The following RNF216 variants were observed in gnomAD, a reference collection of about 807,000 sequenced individuals.
RNF216 encodes the protein E3 ubiquitin-protein ligase RNF216.
A neutral mutation model predicts 110.8 loss-of-function variants in RNF216; 72 were observed. The observed-to-expected ratio is 0.65, with a 90% confidence interval of 0.54 to 0.79. RNF216 has a LOEUF of 0.79. Ranked by LOEUF, RNF216 falls within the 30% of genes least tolerant of loss-of-function variation. The pLI is 0.00. For synonymous variants in RNF216, 495 were observed against 407.5 expected (o/e 1.21, Z -2.59); for missense variants, 1,342 against 1,141.2 (o/e 1.18, Z -2.54).
At chr7:5,657,505 T>C (rs2128581696) in intron 13 of RNF216, among the ~76,000 whole-genome samples, 1 of 152,150 alleles carries the variant, frequency 6.6e-6, no homozygotes, top group Non-Finnish European at 1.5e-5. Context: ...AGGTAGTGGT[T>C]GCGGTGAGCC....
chr7:5,661,946 TGGC>T (rs1270585889), intron 13 of RNF216, among the ~76,000 whole-genome samples: 34 of 152,250 alleles, frequency 2.2e-4, no homozygotes, highest in Admixed American at 1.9e-3. Context: ...TGTGCCCACA[TGGC>T]GTTTGCTAGC....
intron 13 of RNF216, among the ~76,000 whole-genome samples, chr7:5,705,972 C>G (rs1584483201): frequency 6.6e-6 from 1 of 151,056 alleles, no homozygotes; most frequent in East Asian, 2.0e-4. Flanking sequence ...CAAAACACCA[C>G]TCTGGGAGGC....
intron 5 of RNF216, among the ~76,000 whole-genome samples, chr7:5,739,051 G>A (rs1372859189): frequency 6.6e-6 from 1 of 152,184 alleles, no homozygotes; most frequent in Non-Finnish European, 1.5e-5. Context: ...GGGTGCCACT[G>A]GCTTGGGAAG....
chr7:5,639,283 C>T (rs189907907), intron 15 of RNF216, among the ~76,000 whole-genome samples: 1 of 152,306 alleles, frequency 6.6e-6, no homozygotes, highest in African/African-American at 2.4e-5. Flanking sequence ...TGATCCTTGG[C>T]TATGATCTAG....
chr7:5,651,101 C>A (rs533957998), intron 14 of RNF216, among the ~76,000 whole-genome samples: 1 of 152,306 alleles, frequency 6.6e-6, no homozygotes, highest in East Asian at 1.9e-4. Context: ...AGAAAAGCTG[C>A]CTGCTTGGCA....
chr7:5,742,671 C>T (rs1433357197), intron 3 of RNF216, among the ~76,000 whole-genome samples: 1 of 141,278 alleles, frequency 7.1e-6, no homozygotes, highest in Non-Finnish European at 1.5e-5. Flanking sequence ...TCTCAGCTCA[C>T]TCCAACTTCT....
At chr7:5,729,390 A>C (rs867456044) in intron 7 of RNF216, 42 bp downstream of exon 7, 2 of 1,587,884 alleles carry the variant, frequency 1.3e-6, no homozygotes, top group African/African-American at 1.3e-5. Flanking sequence ...GGGAAGATGT[A>C]GTCAAGAGGT....
At chr7:5,770,961 C>A (rs1423432795) in intron 1 of RNF216, among the ~76,000 whole-genome samples, 1 of 152,118 alleles carries the variant, frequency 6.6e-6, no homozygotes, top group African/African-American at 2.4e-5. Context: ...GCATGCACCA[C>A]CACGCCCGGC....
chr7:5,763,269 CA>C (rs1796026498), intron 1 of RNF216, among the ~76,000 whole-genome samples: 1 of 152,088 alleles, frequency 6.6e-6, no homozygotes, highest in Non-Finnish European at 1.5e-5. Context: ...TGGGTATATG[CA>C]TTTGTCAAAA....
intron 2 of RNF216, among the ~76,000 whole-genome samples, chr7:5,753,933 T>C (rs1319777234): frequency 6.6e-6 from 1 of 152,060 alleles, no homozygotes; most frequent in Non-Finnish European, 1.5e-5. Flanking sequence ...AGGCAGAGGT[T>C]GCAGTGAGCT....
At chr7:5,775,891 C>A (rs1433313549) in intron 1 of RNF216, among the ~76,000 whole-genome samples, 1 of 151,694 alleles carries the variant, frequency 6.6e-6, no homozygotes, top group Admixed American at 6.6e-5. Flanking sequence ...AAAAAGTGGG[C>A]AAAGCAGAGC....
intron 15 of RNF216, among the ~76,000 whole-genome samples, chr7:5,632,573 T>A (rs852449): frequency 0.02 from 3,082 of 152,244 alleles, 44 homozygotes; most frequent in South Asian, 0.037. Context: ...TGTCAGGGGT[T>A]CGAGACCAGC....
At chr7:5,743,973 T>C (rs1370810213) in intron 3 of RNF216, among the ~76,000 whole-genome samples, 2 of 152,320 alleles carry the variant, frequency 1.3e-5, no homozygotes, top group African/African-American at 4.8e-5. Context: ...AATTTTCATA[T>C]ACAATGACTT....
At chr7:5,729,732 T>A in intron 6 of RNF216, 136 bp from the exon 7 acceptor site, 1 of 760,606 alleles carries the variant, frequency 1.3e-6, no homozygotes, top group Non-Finnish European at 2.1e-6. Flanking sequence ...ACCAGCCCTA[T>A]AAGACAGATG....
chr7:5,690,382 G>C (rs146988321), intron 13 of RNF216, among the ~76,000 whole-genome samples: 6 of 151,040 alleles, frequency 4.0e-5, no homozygotes, highest in African/African-American at 7.3e-5. Flanking sequence ...TTCTCTAAAA[G>C]CATGGTTAGC....
chr7:5,694,313 G>A (rs1192183969), intron 13 of RNF216, among the ~76,000 whole-genome samples: 2 of 152,180 alleles, frequency 1.3e-5, no homozygotes, highest in Non-Finnish European at 2.9e-5. Flanking sequence ...GCTTGCTTCC[G>A]CCACTGCTAC....
At chr7:5,711,191 C>T (rs910329910) in intron 13 of RNF216, among the ~76,000 whole-genome samples, 1 of 152,170 alleles carries the variant, frequency 6.6e-6, no homozygotes, top group East Asian at 1.9e-4. Context: ...ATTCTTAGTT[C>T]ACAGGGCGCC....
chr7:5,731,181 CAAGT>C (rs915087941), intron 5 of RNF216, among the ~76,000 whole-genome samples: 1 of 152,126 alleles, frequency 6.6e-6, no homozygotes, highest in African/African-American at 2.4e-5. Context: ...AAACTATGAA[CAAGT>C]AAGAAGTGGA....
intron 15 of RNF216, among the ~76,000 whole-genome samples, chr7:5,636,470 T>C (rs1457472024): frequency 1.3e-5 from 2 of 152,184 alleles, no homozygotes; most frequent in Non-Finnish European, 2.9e-5. Context: ...AAAACTCAAC[T>C]TCCCTCCAAA....
Sources: allele counts gnomAD v4.1 joint callset (sites outside exome capture counted in the v4.1 genomes callset), GRCh38; gene constraint gnomAD v4.1.1; transcripts MANE v1.5; gene names NCBI Gene and HGNC (gene_info 2026-07-23, HGNC 2026-07-21).